LRRC7: variants seen among roughly 807,000 people sequenced by gnomAD.
LRRC7 encodes leucine-rich repeat-containing protein 7.
In LRRC7, 23 loss-of-function variants were observed where a neutral mutation model predicts 175.7. The observed-to-expected ratio is 0.13, with a 90% confidence interval of 0.09 to 0.19. LRRC7 has a LOEUF of 0.19. LRRC7 is among the 10% of genes least tolerant of loss of function. The pLI, the probability that LRRC7 is intolerant of heterozygous loss-of-function variation, is 1.00. For missense variants in LRRC7, 1,354 were observed against 1,904.7 expected, an observed-to-expected ratio of 0.71 and a Z score of 5.38; for synonymous variants, 685 against 680.9, an observed-to-expected ratio of 1.01 and a Z score of -0.09.
chr1:69,789,488 C>T (rs534685080), intron 3 of LRRC7, among the ~76,000 whole-genome samples: 6 of 152,070 alleles, frequency 3.9e-5, no homozygotes, highest in Admixed American at 6.5e-5. Context: ...TCAAAGCTTT[C>T]GAATCTTGAA....
intron 7 of LRRC7, among the ~76,000 whole-genome samples, chr1:69,895,092 C>T (rs977876675): frequency 6.6e-6 from 1 of 152,042 alleles, no homozygotes; most frequent in Non-Finnish European, 1.5e-5. Flanking sequence ...ATTAGCCAGG[C>T]GTGGTGGTGC....
intron 1 of LRRC7, among the ~76,000 whole-genome samples, chr1:69,628,103 C>G (rs554265922): frequency 6.6e-6 from 1 of 152,084 alleles, no homozygotes; most frequent in African/African-American, 2.4e-5. Flanking sequence ...TCTCACTACT[C>G]GTTCTCAGCA....
At chr1:70,083,128 G>A (rs1301091587) in intron 24 of LRRC7, among the ~76,000 whole-genome samples, 1 of 151,804 alleles carries the variant, frequency 6.6e-6, no homozygotes, top group East Asian at 1.9e-4. Flanking sequence ...AATTTTAGCT[G>A]GATTTGAATC....
Position 69,916,063 on chromosome 1 carries a change from ATT to A in LRRC7, c.648-15441_648-15440del, listed in dbSNP as rs1378119653. On this transcript the variant is annotated intron_variant, in intron 7 of 26. Coordinates refer to ENST00000651989, the MANE Select transcript of LRRC7 (RefSeq NM_001370785.2). ...ATTTATATATATATTTTATATGTAT[ATT>A]TTATATATATAATATATATATTATA... is the stretch of plus-strand genomic sequence containing the variant. 1.1e-3 allele frequency among the ~76,000 whole-genome samples: 150 copies of A among 141,138 alleles called. 15 individuals are homozygous for A. The highest frequency in any genetic ancestry group is 3.8e-3 in the African/African-American group (145 of 38,332). The allele number at this position is 141,138 out of a possible 152,430, so 92.6% of individuals were successfully genotyped here. A position where few individuals can be genotyped will look rare whatever the true frequency, so the allele number is the denominator to read the frequency against.
intron 7 of LRRC7, among the ~76,000 whole-genome samples, chr1:69,921,824 A>C (rs969397365): frequency 9.9e-5 from 15 of 152,180 alleles, no homozygotes; most frequent in African/African-American, 3.1e-4. Context: ...CCTTAGCTTG[A>C]CACAGGAGAT....
At chr1:69,671,995 T>C (rs769696940) in intron 1 of LRRC7, among the ~76,000 whole-genome samples, 7 of 152,180 alleles carry the variant, frequency 4.6e-5, no homozygotes, top group Non-Finnish European at 8.8e-5. Context: ...TTGGTTCTTA[T>C]GAAGGCACTT....
chr1:70,027,560 T>A (rs1032289605), intron 17 of LRRC7, among the ~76,000 whole-genome samples: 5 of 152,138 alleles, frequency 3.3e-5, no homozygotes, highest in Admixed American at 1.3e-4. Flanking sequence ...TTTCTTAGGG[T>A]AAAAAGTAAA....
intron 8 of LRRC7, among the ~76,000 whole-genome samples, chr1:69,946,897 G>A (rs1172128369): frequency 6.6e-6 from 1 of 151,958 alleles, no homozygotes; most frequent in Non-Finnish European, 1.5e-5. Flanking sequence ...GGCCAACATG[G>A]TGAAACCCCA....
intron 1 of LRRC7, among the ~76,000 whole-genome samples, chr1:69,621,303 C>G (rs1650552147): frequency 6.6e-6 from 1 of 152,174 alleles, no homozygotes; most frequent in African/African-American, 2.4e-5. Flanking sequence ...GCCTTGACCT[C>G]TCAAAGTGCT....
chr1:69,568,544 C>A lies in LRRC7; in HGVS notation c.-96C>A. 1 of 1,210,172 alleles carries A rather than the reference C, an allele frequency of 8.3e-7. No individual in the cohort carries two copies. The highest frequency in any genetic ancestry group is 1.1e-6 in the Non-Finnish European group (1 of 904,692). 75.0% of individuals were successfully genotyped at this position (1,210,172 alleles called of 1,614,324 possible). ...CTTCTCCTCCGAAGACCCTGGCGCC[C>A]ACTCCACTGCGGACCCCTGAACACT... is the stretch of plus-strand genomic sequence containing the variant. On this transcript the variant is annotated 5_prime_UTR_variant, in exon 1 of 27. Transcript: ENST00000651989.
intron 2 of LRRC7, among the ~76,000 whole-genome samples, chr1:69,729,822 C>T (rs916678905): frequency 2.0e-5 from 3 of 152,234 alleles, no homozygotes; most frequent in African/African-American, 7.2e-5. Context: ...GTTCCAAGCC[C>T]TCATTTCCCT....
At chr1:69,843,407 T>C (rs1355796992) in intron 7 of LRRC7, among the ~76,000 whole-genome samples, 2 of 152,136 alleles carry the variant, frequency 1.3e-5, no homozygotes, top group Non-Finnish European at 2.9e-5. Context: ...CATTATCATC[T>C]GTGAAGTTTT....
intron 5 of LRRC7, among the ~76,000 whole-genome samples, chr1:69,831,335 C>A (rs920070766): frequency 2.6e-5 from 4 of 151,884 alleles, no homozygotes; most frequent in Non-Finnish European, 5.9e-5. Flanking sequence ...AACATCTGTG[C>A]CATTCTCATA....
At chr1:69,788,527 C>T (rs904565538) in intron 3 of LRRC7, among the ~76,000 whole-genome samples, 17 of 152,300 alleles carry the variant, frequency 1.1e-4, no homozygotes, top group Middle Eastern at 3.4e-3. Flanking sequence ...GTTGTAGACT[C>T]ATACCATTCA....
At chr1:70,025,284 T>A (rs1403348141) in intron 17 of LRRC7, among the ~76,000 whole-genome samples, 1 of 150,622 alleles carries the variant, frequency 6.6e-6, no homozygotes, top group Non-Finnish European at 1.5e-5. Context: ...AATTTATATT[T>A]AAACCTATAG....
intron 23 of LRRC7, among the ~76,000 whole-genome samples, chr1:70,057,010 A>G (rs866213081): frequency 4.6e-5 from 7 of 152,136 alleles, no homozygotes; most frequent in South Asian, 2.1e-4. Flanking sequence ...TGGGGGGGGA[A>G]TCCATAGGAA....
intron 2 of LRRC7, among the ~76,000 whole-genome samples, chr1:69,696,393 T>C (rs1010912717): frequency 1.2e-4 from 19 of 152,190 alleles, no homozygotes; most frequent in African/African-American, 3.1e-4. Context: ...ATCTTGGAAG[T>C]AAATAACTTG....
chr1:69,737,928 G>A lies in LRRC7; in HGVS notation c.101-22263G>A, dbSNP rs145430216. On this transcript the variant is annotated intron_variant, in intron 2 of 26. Coordinates refer to ENST00000651989, the MANE Select transcript of LRRC7 (RefSeq NM_001370785.2). The stretch of plus-strand genomic sequence containing the variant: ...ACTCTTTTGCTTTGTAAGACAGGAG[G>A]CAAAGGGAAGGATGGGCTTTGGTCT... Among the ~76,000 whole-genome samples, 310 of 152,176 alleles carry A rather than the reference G, an allele frequency of 2.0e-3. 2 individuals carry two copies. Among genetic ancestry groups the A allele is most frequent in the African/African-American group, 7.0e-3 (289 of 41,536 alleles).
At chr1:69,744,886 A>G (rs1043624657) in intron 2 of LRRC7, among the ~76,000 whole-genome samples, 1 of 151,952 alleles carries the variant, frequency 6.6e-6, no homozygotes, top group East Asian at 1.9e-4. Context: ...AAGATAACAT[A>G]GTAAAATGCT....
Sources: gnomAD v4.1 joint callset for allele counts (sites outside exome capture counted in the v4.1 genomes callset) on GRCh38, gnomAD v4.1.1 for gene constraint, MANE v1.5 for transcripts, NCBI Gene and HGNC (gene_info 2026-07-23, HGNC 2026-07-21) for gene names.